PLEC: variants seen among roughly 807,000 people sequenced by gnomAD.
PLEC encodes hemidesmosomal protein 1.
A neutral mutation model predicts 392.8 loss-of-function variants in PLEC; 216 were observed. The observed-to-expected ratio is 0.55, with a 90% CI of 0.49 to 0.62. The LOEUF is 0.62. Ranked by LOEUF, PLEC falls within the 20% of genes least tolerant of loss-of-function variation. The pLI, the probability that PLEC is intolerant of heterozygous loss-of-function variation, is 0.00. For synonymous variants in PLEC, 3,621 were observed against 2,980.6 expected (o/e 1.21, Z -7.00); for missense variants, 6,863 against 6,563.4 (o/e 1.05, Z -1.58).
At chr8:143,939,765 G>A (rs1468487653), upstream of PLEC, among the ~76,000 whole-genome samples, 4 of 152,098 alleles carry the variant, frequency 2.6e-5, no homozygotes, top group East Asian at 1.9e-4. Flanking sequence ...ACAGGAAACC[G>A]GGGTTTCCTC....
rs782692498 is a variant in PLEC at position 143,922,089 on chromosome 8, G to A, written c.7732C>T (p.Gln2578Ter). Residue 2578 changes from glutamine (Q) to a stop codon, truncating the protein, a stop_gained, in exon 32 of 32, where the codon CAG becomes TAG. Transcript: ENST00000345136. LOFTEE classifies it low-confidence loss of function (END_TRUNC). The part of the protein sequence containing the change: ...RKQEELQQLE[Q>*]QRRQQEELLA... ...AGCTCCTCCTGCTGCCGCCGCTGCTGCTCCAGCTGCTGCAGCTCCTCCTGC... is the reference window on the plus strand; with the variant it reads ...AGCTCCTCCTGCTGCCGCCGCTGCTACTCCAGCTGCTGCAGCTCCTCCTGC... The A allele has an allele frequency of 1.3e-6, 2 of 1,568,384 alleles. No individual in the cohort carries two copies. The highest frequency in any genetic ancestry group is 1.7e-6 in the Non-Finnish European group (2 of 1,164,622).
At position 143,921,464 on chromosome 8, in the gene PLEC, A is replaced by G; in HGVS notation, c.8357T>C (p.Ile2786Thr). 6.2e-7 allele frequency: 1 copy of G among 1,613,224 alleles called. No homozygotes were observed. Among genetic ancestry groups the G allele is most frequent in the Non-Finnish European group, 8.5e-7 (1 of 1,179,814 alleles). The change falls in exon 32 of 32, where the codon ATC becomes ACC. Residue 2786 changes from isoleucine (I) to threonine (T), a missense_variant. By Grantham distance (89) the Ile-to-Thr change is moderately conservative. Transcript: ENST00000345136. Reference sequence around the variant, plus strand: ...CTTCTGCATGGCTTGGAAGAGAGAGATCTGCTGGCCAGTGTAGGGGTCCTT... The same window carrying G: ...CTTCTGCATGGCTTGGAAGAGAGAGGTCTGCTGGCCAGTGTAGGGGTCCTT... Reference protein sequence around the residue: ...GYKDPYTGQQISLFQAMQKGL... With the variant: ...GYKDPYTGQQTSLFQAMQKGL...
At chr8:143,948,642 C>G (rs956547671) in intron 1 of PLEC, among the ~76,000 whole-genome samples, 2 of 152,218 alleles carry the variant, frequency 1.3e-5, no homozygotes, top group Non-Finnish European at 2.9e-5. Context: ...TTTGGGGGGA[C>G]TGAGTCACCT....
At chr8:143,974,784 G>A (rs768249280), upstream of PLEC, among the ~76,000 whole-genome samples, 34 of 152,356 alleles carry the variant, frequency 2.2e-4, no homozygotes, top group African/African-American at 6.0e-4. This position sits in a 1 kb window ranked among gnomAD's most constrained non-coding sequence, Gnocchi z 5.9. Flanking sequence ...TCCTGGCTCA[G>A]GAAGAGGCTG....
At chr8:143,939,698 C>G, upstream of PLEC, 2 of 1,344,804 alleles carry the variant, frequency 1.5e-6, no homozygotes, top group Non-Finnish European at 1.9e-6. Flanking sequence ...GGGAGTGTCC[C>G]GGCGGGAAGG....
intron 14 of PLEC, 31 bp downstream of exon 14, chr8:143,932,762 C>A: frequency 6.2e-7 from 1 of 1,610,144 alleles, no homozygotes; most frequent in South Asian, 1.1e-5. Flanking sequence ...CCGGCCCACC[C>A]CCGCACTGCC....
Position 143,918,045 on chromosome 8 carries a change from G to A in PLEC, c.11776C>T (p.Gln3926Ter). The change falls in exon 32 of 32, where the codon CAG becomes TAG. Residue 3926 changes from glutamine to a stop codon, truncating the protein, a stop_gained. Coordinates refer to ENST00000345136, the MANE Select transcript of PLEC (RefSeq NM_201384.3). LOFTEE classifies it high-confidence loss of function. ...CAGCTGGTGCCTTCCAGGAACTTCTGCAAGTTCTTGGTGACCTCCTCGATG... is the reference window on the plus strand; with the variant it reads ...CAGCTGGTGCCTTCCAGGAACTTCTACAAGTTCTTGGTGACCTCCTCGATG... ...TSIEEVTKNLQKFLEGTSCIA... is the reference protein window; with the variant it reads ...TSIEEVTKNL 1 of 1,607,222 alleles carries A rather than the reference G, an allele frequency of 6.2e-7. No homozygotes were observed. The highest frequency in any genetic ancestry group is 1.3e-5 in the African/African-American group (1 of 74,920).
At position 143,930,430 on chromosome 8, in the gene PLEC, C is replaced by G; in HGVS notation, c.2411G>C (p.Arg804Pro). 4 of 1,573,906 alleles carry G rather than the reference C, an allele frequency of 2.5e-6. No individual in the cohort carries two copies. Among genetic ancestry groups the G allele is most frequent in the Non-Finnish European group, 3.4e-6 (4 of 1,160,992 alleles). ...CACGGCCAGCAGGGGCAGGCGGCCCCGCATGGGGTGGGCTGGGTGGCGGGG... is the reference window on the plus strand; with the variant it reads ...CACGGCCAGCAGGGGCAGGCGGCCCGGCATGGGGTGGGCTGGGTGGCGGGG... ...LKPRHPAHPMRGRLPLLAVCD... is the reference protein window; with the variant it reads ...LKPRHPAHPMPGRLPLLAVCD... The change falls in exon 20 of 32, where the codon CGG becomes CCG. Residue 804 changes from arginine to proline, a missense_variant. By Grantham distance (103) the Arg-to-Pro change is moderately radical. Coordinates refer to ENST00000345136, the MANE Select transcript of PLEC (RefSeq NM_201384.3).
rs1826285258 is a variant in PLEC, at chr8:143,929,196, G to A, written c.3167C>T (p.Pro1056Leu). The A allele has an allele frequency of 1.2e-6, 2 of 1,601,804 alleles. No individual in the cohort carries two copies. Among genetic ancestry groups the A allele is most frequent in the African/African-American group, 1.3e-5 (1 of 74,892 alleles). ...EAEKVLALPE[P>L]SPAAPTLRSE... Reference sequence around the variant, plus strand: ...GCGCAGCGTGGGGGCCGCAGGCGATGGCTCTGGTAGGGCCAAGACCTTCTC... The same window carrying A: ...GCGCAGCGTGGGGGCCGCAGGCGATAGCTCTGGTAGGGCCAAGACCTTCTC... Residue 1056 changes from proline (P) to leucine (L), a missense_variant, in exon 25 of 32, where the codon CCA (proline) becomes CTA (leucine). Coordinates refer to ENST00000345136, the MANE Select transcript of PLEC (RefSeq NM_201384.3).
Position 143,916,988 on chromosome 8 carries a change from C to A in PLEC, c.12833G>T (p.Gly4278Val). 2 of 1,612,850 alleles carry A rather than the reference C, an allele frequency of 1.2e-6. No homozygotes were observed. Among genetic ancestry groups the A allele is most frequent in the Non-Finnish European group, 1.7e-6 (2 of 1,179,974 alleles). The change falls in exon 32 of 32, where the codon GGC becomes GTC. Residue 4278 changes from glycine (G) to valine (V), a missense_variant. Gly to Val is a moderately radical substitution (Grantham distance 109). Transcript: ENST00000345136. ...CGTGTCCAGGATGCCAGCCACGGGG[C>A]CCGTCTCCTCAGTGGGGTCTGACCA... ...ASWSDPTEET[G>V]PVAGILDTET...
Position 143,916,518 on chromosome 8 carries a change from G to C in PLEC, c.13303C>G (p.Leu4435Val), listed in dbSNP as rs1554669440. The part of the protein sequence containing the change: ...LRDVGAYSKY[L>V]TCPKTKLKIS... ...TTGAGCTTGGTCTTAGGGCAGGTGAGGTACTTGGAGTAGGCGCCCACGTCA... is the reference window on the plus strand; with the variant it reads ...TTGAGCTTGGTCTTAGGGCAGGTGACGTACTTGGAGTAGGCGCCCACGTCA... The change falls in exon 32 of 32, where the codon CTC becomes GTC. Residue 4435 changes from leucine to valine, a missense_variant. Physicochemically the swap from Leu to Val is conservative, Grantham distance 32 (BLOSUM62 1). Coordinates refer to ENST00000345136, the MANE Select transcript of PLEC (RefSeq NM_201384.3). 6.2e-7 allele frequency: 1 copy of C among 1,611,850 alleles called. No homozygotes were observed. Among genetic ancestry groups the C allele is most frequent in the Admixed American group, 1.7e-5 (1 of 59,990 alleles).
At position 143,917,090 on chromosome 8, in the gene PLEC, C is replaced by T. The variant is rs370769102; in HGVS notation, c.12731G>A (p.Arg4244His). 53 of 1,606,146 alleles carry T rather than the reference C, an allele frequency of 3.3e-5. No homozygotes were observed. The highest frequency in any genetic ancestry group is 2.9e-4 in the East Asian group (13 of 44,636). ...GGATCCCACCGAGGAGGAACGGGAG[C>T]GGAAACCACCGGCGTTGCCCGAGAG... ...DMLSGNAGGFRSRSSSVGSSS... is the reference protein window; with the variant it reads ...DMLSGNAGGFHSRSSSVGSSS... The change falls in exon 32 of 32, where the codon CGC (arginine) becomes CAC (histidine). Residue 4244 changes from arginine to histidine, a missense_variant. Physicochemically the swap from Arg to His is conservative, Grantham distance 29. Coordinates refer to ENST00000345136, the MANE Select transcript of PLEC (RefSeq NM_201384.3).
At position 143,927,047 on chromosome 8, in the gene PLEC, T is replaced by C; in HGVS notation, c.3875A>G (p.Gln1292Arg). 1 of 1,612,268 alleles carries C rather than the reference T, an allele frequency of 6.2e-7. No individual in the cohort carries two copies. Among genetic ancestry groups the C allele is most frequent in the Non-Finnish European group, 8.5e-7 (1 of 1,179,988 alleles). ...GGCCGGGGAGGCCACCGGCTCAAGC[T>C]GCGCCTTGTACGTCACCAGCTGGAG... is the stretch of plus-strand genomic sequence containing the variant. ...YELQLVTYKA[Q>R]LEPVASPAKK... is the part of the protein sequence containing the mutation. Residue 1292 changes from glutamine to arginine, a missense_variant, in exon 29 of 32, where the codon CAG becomes CGG. By Grantham distance (43) the Gln-to-Arg change is conservative (BLOSUM62 1). Transcript: ENST00000345136.
rs1554675966 is a variant in PLEC at position 143,918,693 on chromosome 8, G to C, written c.11128C>G (p.Leu3710Val). The C allele has an allele frequency of 4.3e-6, 7 of 1,612,854 alleles. No individual in the cohort carries two copies. The highest frequency in any genetic ancestry group is 1.3e-5 in the African/African-American group (1 of 74,918). ...TCGGCACTCAGCAGCCCTTTCTTGA[G>C]AGCCTGGTAGATGCTCAGTGTCTGC... ...SRQTLSIYQA[L>V]KKGLLSAEVA... The change falls in exon 32 of 32, where the codon CTC (leucine) becomes GTC (valine). Residue 3710 changes from leucine to valine, a missense_variant. Transcript: ENST00000345136.
At chr8:143,939,288 G>A (rs1310270814) in intron 1 of PLEC, 62 bp downstream of exon 1, 8 of 1,558,048 alleles carry the variant, frequency 5.1e-6, no homozygotes, top group Non-Finnish European at 7.0e-6. Flanking sequence ...CACAGGAAGT[G>A]GGCCTTCCTC....
Position 143,919,878 on chromosome 8 carries a change from T to C in PLEC, c.9943A>G (p.Ser3315Gly), listed in dbSNP as rs1375697402. 7 of 1,613,184 alleles carry C rather than the reference T, an allele frequency of 4.3e-6. No homozygotes were observed. The East Asian group carries it at 1.3e-4, about 31-fold the overall frequency. ...AGGACCCCGGAAGCCAGGAGCTCGCTGGCTGGCACAGGGGCACGGAGGCCG... is the reference window on the plus strand; with the variant it reads ...AGGACCCCGGAAGCCAGGAGCTCGCCGGCTGGCACAGGGGCACGGAGGCCG... ...FSGLRAPVPA[S>G]ELLASGVLSR... Residue 3315 changes from serine (S) to glycine (G), a missense_variant, in exon 32 of 32, where the codon AGC becomes GGC. Ser to Gly is a moderately conservative substitution (Grantham distance 56, BLOSUM62 0). Transcript: ENST00000345136.
intron 6 of PLEC, 140 bp downstream of exon 6, chr8:143,935,708 C>A (rs1429367398): frequency 6.6e-6 from 6 of 905,426 alleles, no homozygotes; most frequent in East Asian, 2.6e-5. Context: ...GCCCTGAACT[C>A]CACCACCCCG....
intron 25 of PLEC, among the ~76,000 whole-genome samples, chr8:143,928,425 TGAG>T (rs1469216511): frequency 6.6e-6 from 1 of 151,964 alleles, no homozygotes; most frequent in Admixed American, 6.6e-5. Context: ...GCTGGTTCTG[TGAG>T]GAGTAGACAG....
chr8:143,921,606 G>A lies in PLEC; in HGVS notation c.8215C>T (p.Leu2739=), dbSNP rs781821576. The change falls in exon 32 of 32, where the codon CTG becomes TTG. Residue 2739 remains leucine (L), a synonymous_variant. Coordinates refer to ENST00000345136, the MANE Select transcript of PLEC (RefSeq NM_201384.3). The part of the protein sequence containing the change: ...LLEAQAASGF[L]LDPVRNRRLT... ...CGCCGGTTCCGCACAGGGTCCAGCA[G>A]GAAGCCTGAGGCCGCCTGCGCCTCC... 4 of 1,612,846 alleles carry A rather than the reference G, an allele frequency of 2.5e-6. No individual in the cohort carries two copies. Among genetic ancestry groups the A allele is most frequent in the East Asian group, 2.2e-5 (1 of 44,876 alleles).
Sources: allele counts gnomAD v4.1 joint callset (sites outside exome capture counted in the v4.1 genomes callset), GRCh38; gene constraint gnomAD v4.1.1; non-coding constraint Gnocchi (gnomAD v3.1); transcripts MANE v1.5; gene names NCBI Gene and HGNC (gene_info 2026-07-23, HGNC 2026-07-21).